The following ITGB7 variants were observed in gnomAD, a reference collection of about 807,000 sequenced individuals.
ITGB7 encodes integrin beta-7.
Under a neutral mutation model 83.4 loss-of-function variants are expected in ITGB7, and 55 were observed. The ratio of observed to expected loss-of-function variants is 0.66; its 90% CI spans 0.53 to 0.83. ITGB7 has a LOEUF of 0.83. Among genes scored for constraint, ITGB7 ranks in the 40% least tolerant of loss-of-function variants. The pLI, the probability that ITGB7 is intolerant of heterozygous loss-of-function variation, is 0.00. For synonymous variants in ITGB7, 454 were observed against 423.6 expected, an observed-to-expected ratio of 1.07 and a Z score of -0.88; for missense variants, 921 against 1,046.7, an observed-to-expected ratio of 0.88 and a Z score of 1.66.
At chr12:53,194,147 C>A in intron 10 of ITGB7, 51 bp downstream of exon 10, 1 of 1,610,558 alleles carries the variant, frequency 6.2e-7, no homozygotes, top group South Asian at 1.1e-5. Context: ...GCTTAATTTC[C>A]CACTCCCACC....
At chr12:53,197,456 C>G (rs1342786134) in intron 5 of ITGB7, 37 bp downstream of exon 5, 10 of 1,612,946 alleles carry the variant, frequency 6.2e-6, no homozygotes, top group Non-Finnish European at 8.5e-6. Context: ...GTTGAATAGG[C>G]AAGGGCTAAC....
intron 10 of ITGB7, 39 bp from the exon 11 acceptor site, chr12:53,193,940 G>T: frequency 6.4e-7 from 1 of 1,555,652 alleles, no homozygotes; most frequent in Non-Finnish European, 8.8e-7. Context: ...TTATACACAT[G>T]CACACACACA....
At chr12:53,197,356 G>A (rs537679330) in intron 5 of ITGB7, 137 bp downstream of exon 5, 7 of 936,192 alleles carry the variant, frequency 7.5e-6, no homozygotes, top group East Asian at 4.8e-5. Context: ...ATGCAGGAAC[G>A]AACCTGTGGC....
Position 53,192,028 on chromosome 12 carries a change from A to G in ITGB7, c.2156-9T>C. 6.2e-7 allele frequency: 1 copy of G among 1,609,712 alleles called. No homozygotes were observed. Among genetic ancestry groups the G allele is most frequent in the Non-Finnish European group, 8.5e-7 (1 of 1,177,406 alleles). Reference sequence around the variant, plus strand: ...CGTGTGGTCTGCTCCCTCTGTGAACAAGAAACCAGACACACTTGTGGGAGC... The same window carrying G: ...CGTGTGGTCTGCTCCCTCTGTGAACGAGAAACCAGACACACTTGTGGGAGC... On this transcript the variant is annotated splice_polypyrimidine_tract_variant and intron_variant, in intron 14 of 15. Transcript: ENST00000267082.
rs552267318 is a variant in ITGB7 at position 53,200,123 on chromosome 12, A to C, written c.201+120T>G. 121 of 836,684 alleles carry C rather than the reference A, an allele frequency of 1.4e-4. No individual in the cohort carries two copies. In the African/African-American group the frequency reaches 1.7e-3, roughly 12 times the overall value. 51.8% of individuals were successfully genotyped at this position (836,684 alleles called of 1,614,324 possible). A position where few individuals can be genotyped will look rare whatever the true frequency, so the allele number is the denominator to read the frequency against. On this transcript the variant is annotated intron_variant, in intron 3 of 15. Coordinates refer to ENST00000267082, the MANE Select transcript of ITGB7 (RefSeq NM_000889.3). Reference sequence around the variant, plus strand: ...AACTCAGTCACACATGAGACTGTGGAGTGTTCCCAGAAAATCATACATGTG... The same window carrying C: ...AACTCAGTCACACATGAGACTGTGGCGTGTTCCCAGAAAATCATACATGTG...
chr12:53,191,684 G>A (rs369450948), intron 15 of ITGB7, 48 bp from the exon 16 acceptor site: 40 of 1,569,392 alleles, frequency 2.5e-5, no homozygotes, highest in East Asian at 9.0e-5. Flanking sequence ...AGGATTCCTC[G>A]TCCCCTTTCT....
In ITGB7 at chr12:53,201,642, C is replaced by CT. The variant is rs112836940; in HGVS notation, c.-126-449dup. ...GTCAAAAAGTTAAATCCCATTGGCC[C>CT]TTTTTTTTTTGCAGAAATGGAAAAG... On this transcript the variant is annotated intron_variant, in intron 1 of 15. Coordinates refer to ENST00000267082, the MANE Select transcript of ITGB7 (RefSeq NM_000889.3). 2.1e-3 allele frequency among the ~76,000 whole-genome samples: 309 copies of CT among 147,970 alleles called. 1 individual carries two copies. Among genetic ancestry groups the CT allele is most frequent in the African/African-American group, 5.4e-3 (222 of 40,744 alleles).
At chr12:53,199,311 C>T (rs983203275) in intron 3 of ITGB7, among the ~76,000 whole-genome samples, 4 of 152,148 alleles carry the variant, frequency 2.6e-5, no homozygotes, top group African/African-American at 9.7e-5. Flanking sequence ...CAGGGAGACA[C>T]CTGCTCCCTA....
rs1429644455 is a variant in ITGB7, at chr12:53,191,460, C to T, written c.*96G>A. The T allele has an allele frequency of 1.7e-5, 16 of 962,800 alleles. No individual in the cohort carries two copies. The highest frequency in any genetic ancestry group is 2.5e-5 in the Non-Finnish European group (15 of 589,952). 59.6% of individuals were successfully genotyped at this position (962,800 alleles called of 1,614,324 possible). On this transcript the variant is annotated 3_prime_UTR_variant, in exon 16 of 16. Transcript: ENST00000267082. ...GGCCGCACCTCGCCAGTGAATTAGT[C>T]CCCTACCAAGGTCTTACAGACCCAC...
rs1343172225 is a variant in ITGB7, at chr12:53,191,465, A to G, written c.*91T>C. ...CACCTCGCCAGTGAATTAGTCCCCT[A>G]CCAAGGTCTTACAGACCCACCCTTC... On this transcript the variant is annotated 3_prime_UTR_variant, in exon 16 of 16. Transcript: ENST00000267082. The G allele has an allele frequency of 9.9e-7, 1 of 1,007,370 alleles. No homozygotes were observed. The highest frequency in any genetic ancestry group is 1.6e-6 in the Non-Finnish European group (1 of 629,154). The allele number at this position is 1,007,370 out of a possible 1,614,324, so 62.4% of individuals were successfully genotyped here.
chr12:53,205,955 G>C (rs775825689), intron 1 of ITGB7, among the ~76,000 whole-genome samples: 1 of 152,250 alleles, frequency 6.6e-6, no homozygotes, highest in East Asian at 1.9e-4. Context: ...GCATGCCTGT[G>C]GTCAGGGAGG....
intron 1 of ITGB7, among the ~76,000 whole-genome samples, chr12:53,203,706 A>G (rs1942372929): frequency 1.3e-5 from 2 of 151,598 alleles, no homozygotes; most frequent in East Asian, 3.9e-4. Flanking sequence ...GAAAAAAACC[A>G]CAATGAGATA....
rs748710137 is a variant in ITGB7, at chr12:53,194,253, C to G, written c.1253G>C (p.Arg418Thr). ...TCCTCGATCCTCAGCCTTACCCTCCCTCTTCTCAGGACCCTCACACTGGGA... is the reference window on the plus strand; with the variant it reads ...TCCTCGATCCTCAGCCTTACCCTCCGTCTTCTCAGGACCCTCACACTGGGA... ...YESQCEGPEKREGKAEDRGQC... is the reference protein window; with the variant it reads ...YESQCEGPEKTEGKAEDRGQC... Residue 418 changes from arginine (R) to threonine (T), a missense_variant, in exon 10 of 16, where the codon AGG becomes ACG. Coordinates refer to ENST00000267082, the MANE Select transcript of ITGB7 (RefSeq NM_000889.3). 1 of 1,614,122 alleles carries G rather than the reference C, an allele frequency of 6.2e-7. No homozygotes were observed. The highest frequency in any genetic ancestry group is 8.5e-7 in the Non-Finnish European group (1 of 1,180,020).
In ITGB7 at chr12:53,192,380, A is replaced by G; in HGVS notation, c.2105T>C (p.Val702Ala). Residue 702 changes from valine to alanine, a missense_variant, in exon 14 of 16, where the codon GTG becomes GCG. Coordinates refer to ENST00000267082, the MANE Select transcript of ITGB7 (RefSeq NM_000889.3). ...GACCGTGCCTCTGGCGTCATCCTCC[A>G]CCAAGAAGAAGAACAGCTGGTTGTC... ...TLDNQLFFFLVEDDARGTVVL... is the reference protein window; with the variant it reads ...TLDNQLFFFLAEDDARGTVVL... The G allele has an allele frequency of 6.2e-7, 1 of 1,613,946 alleles. No individual in the cohort carries two copies.
rs763226338 is a variant in ITGB7, at chr12:53,196,197, C to T, written c.819G>A (p.Glu273=). 8 of 1,613,964 alleles carry T rather than the reference C, an allele frequency of 5.0e-6. No homozygotes were observed. The East Asian group carries it at 1.8e-4, about 36-fold the overall frequency. ...GGGACACATTTCTCCAGCCAATCTGCTCCTGAGTTACAGTGGGGGTGGTAG... is the reference window on the plus strand; with the variant it reads ...GGGACACATTTCTCCAGCCAATCTGTTCCTGAGTTACAGTGGGGGTGGTAG... ...DAILQAALCQ[E]QIGWRNVSRL... is the part of the protein sequence containing the mutation. Residue 273 remains glutamate, a splice_region_variant and synonymous_variant, in exon 7 of 16, where the codon GAG becomes GAA. Coordinates refer to ENST00000267082, the MANE Select transcript of ITGB7 (RefSeq NM_000889.3).
At chr12:53,206,222 A>G (rs902549783) in intron 1 of ITGB7, among the ~76,000 whole-genome samples, 1 of 151,812 alleles carries the variant, frequency 6.6e-6, no homozygotes, top group Non-Finnish European at 1.5e-5. Flanking sequence ...CAAAACTTCT[A>G]TTGCATCTCT....
At chr12:53,200,797 C>T (rs781301659) in intron 2 of ITGB7, among the ~76,000 whole-genome samples, 5 of 151,966 alleles carry the variant, frequency 3.3e-5, no homozygotes, top group Admixed American at 6.6e-5. Context: ...GGCATGGTGG[C>T]GTGCACCTGT....
intron 10 of ITGB7, 48 bp from the exon 11 acceptor site, chr12:53,193,949 C>T (rs766254752): frequency 2.5e-5 from 38 of 1,533,736 alleles, no homozygotes; most frequent in Middle Eastern, 3.5e-4. Flanking sequence ...TGCACACACA[C>T]ATACCCCAAA....
intron 3 of ITGB7, among the ~76,000 whole-genome samples, chr12:53,198,606 A>T (rs987872314): frequency 1.1e-5 from 1 of 92,468 alleles, no homozygotes; most frequent in Admixed American, 1.2e-4. Flanking sequence ...GCAGTCCCCC[A>T]CCCCTCCCCT....
Sources: gnomAD v4.1 joint callset for allele counts (sites outside exome capture counted in the v4.1 genomes callset) on GRCh38, gnomAD v4.1.1 for gene constraint, MANE v1.5 for transcripts, NCBI Gene and HGNC (gene_info 2026-07-23, HGNC 2026-07-21) for gene names.